The following EML4 variants were observed in gnomAD, a reference collection of about 807,000 sequenced individuals.
EML4 encodes the protein echinoderm microtubule-associated protein-like 4.
A neutral mutation model predicts 129.0 loss-of-function variants in EML4; 72 were observed. That is an observed-to-expected ratio of 0.56 (90% CI 0.46 to 0.68). The LOEUF is 0.68. Ranked by LOEUF, EML4 falls within the 30% of genes least tolerant of loss-of-function variation. The probability of loss-of-function intolerance (pLI) is 0.00; values close to 1 mark genes in which losing one functional copy is unlikely to be tolerated. For synonymous variants in EML4, 532 were observed against 405.0 expected (o/e 1.31, Z -3.77); for missense variants, 1,363 against 1,190.6 (o/e 1.14, Z -2.13).
In EML4 at chr2:42,325,602, T is replaced by TTATA. The variant is rs10530482; in HGVS notation, c.2242+82_2242+85dup. The TTATA allele has an allele frequency of 4.4e-3, 566 of 129,126 alleles. 13 individuals are homozygous for TTATA. The highest frequency in any genetic ancestry group is 0.011 in the African/African-American group (388 of 33,972). 8.0% of individuals were successfully genotyped at this position (129,126 alleles called of 1,614,324 possible). A position where few individuals can be genotyped will look rare whatever the true frequency, so the allele number is the denominator to read the frequency against. On this transcript the variant is annotated intron_variant, in intron 20 of 22. Coordinates refer to ENST00000318522, the MANE Select transcript of EML4 (RefSeq NM_019063.5). Reference sequence around the variant, plus strand: ...ATATATATATATGCTATGATTATATTTATATATATATATATATATATATAT... The same window carrying TTATA: ...ATATATATATATGCTATGATTATATTTATATATATATATATATATATATATATAT...
intron 1 of EML4, among the ~76,000 whole-genome samples, chr2:42,184,122 A>G (rs979829627): frequency 2.6e-5 from 4 of 152,224 alleles, no homozygotes; most frequent in Non-Finnish European, 5.9e-5. Context: ...CAACAAAGAA[A>G]GAGTTGTTTT....
At chr2:42,257,206 C>T (rs1216437755) in intron 3 of EML4, among the ~76,000 whole-genome samples, 1 of 151,982 alleles carries the variant, frequency 6.6e-6, no homozygotes, top group African/African-American at 2.4e-5. Flanking sequence ...GATTTGCATT[C>T]TTTATGTTCT....
chr2:42,197,435 A>G (rs990183462), intron 1 of EML4, among the ~76,000 whole-genome samples: 11 of 152,338 alleles, frequency 7.2e-5, no homozygotes, highest in South Asian at 4.1e-4. Context: ...GATATAGGCA[A>G]TAAAAATCAC....
chr2:42,237,249 T>G (rs975973768), intron 1 of EML4, among the ~76,000 whole-genome samples: 1 of 152,168 alleles, frequency 6.6e-6, no homozygotes, highest in Admixed American at 6.5e-5. Flanking sequence ...TACTAATTTT[T>G]ATCATTTATT....
chr2:42,304,916 C>G (rs1446479240), intron 17 of EML4, among the ~76,000 whole-genome samples: 2 of 152,024 alleles, frequency 1.3e-5, no homozygotes, highest in Non-Finnish European at 2.9e-5. Context: ...GTCAGGAGTT[C>G]GAAACCAGCC....
intron 6 of EML4, among the ~76,000 whole-genome samples, chr2:42,268,875 C>T (rs1012307333): frequency 1.3e-5 from 2 of 152,038 alleles, no homozygotes; most frequent in African/African-American, 4.8e-5. Flanking sequence ...TCAAACTAGG[C>T]CTGTTTAGAT....
chr2:42,194,348 T>TC (rs964897934), intron 1 of EML4, among the ~76,000 whole-genome samples: 1,510 of 61,676 alleles, frequency 0.024, 20 homozygotes, highest in African/African-American at 0.085. Context: ...TCTCTCTCTC[T>TC]TTTTTTTTTT....
At chr2:42,327,025 C>T (rs1012966185) in intron 21 of EML4, among the ~76,000 whole-genome samples, 3 of 152,182 alleles carry the variant, frequency 2.0e-5, no homozygotes, top group Non-Finnish European at 2.9e-5. Flanking sequence ...TCCTCTACCC[C>T]ACCCCCCAGC....
At chr2:42,322,042 T>G (rs1669553761) in intron 19 of EML4, among the ~76,000 whole-genome samples, 1 of 152,232 alleles carries the variant, frequency 6.6e-6, no homozygotes, top group South Asian at 2.1e-4. Flanking sequence ...AATAAAATAG[T>G]TCTAGTTCAT....
Position 42,330,532 on chromosome 2 carries a change from C to A in EML4, c.*325C>A, listed in dbSNP as rs1408579462. 6.5e-6 allele frequency: 3 copies of A among 462,536 alleles called. No individual in the cohort carries two copies. The highest frequency in any genetic ancestry group is 3.4e-5 in the Admixed American group (1 of 29,540). The allele number at this position is 462,536 out of a possible 1,614,324, so 28.7% of individuals were successfully genotyped here. A position where few individuals can be genotyped will look rare whatever the true frequency, so the allele number is the denominator to read the frequency against. ...CAGTTGCATTGATTTTGAAAACAAA[C>A]CCCCTTGTTATCTGAACATGTTTTC... On this transcript the variant is annotated 3_prime_UTR_variant, in exon 23 of 23. Coordinates refer to ENST00000318522, the MANE Select transcript of EML4 (RefSeq NM_019063.5).
At chr2:42,183,728 A>G (rs996598593) in intron 1 of EML4, among the ~76,000 whole-genome samples, 1 of 152,036 alleles carries the variant, frequency 6.6e-6, no homozygotes, top group Non-Finnish European at 1.5e-5. Context: ...ATGGTTGGAC[A>G]TATATTTTTA....
At chr2:42,291,508 A>AT (rs1179374827) in intron 11 of EML4, among the ~76,000 whole-genome samples, 2 of 146,810 alleles carry the variant, frequency 1.4e-5, no homozygotes, top group African/African-American at 2.5e-5. Context: ...GGTTCAAGTG[A>AT]TTCTTCCGCC....
At chr2:42,217,360 C>T (rs1045097888) in intron 1 of EML4, among the ~76,000 whole-genome samples, 1 of 151,972 alleles carries the variant, frequency 6.6e-6, no homozygotes, top group Non-Finnish European at 1.5e-5. Context: ...TCTTGATTGT[C>T]AAGATTCGTT....
intron 3 of EML4, among the ~76,000 whole-genome samples, chr2:42,257,024 G>A (rs1676196727): frequency 6.6e-6 from 1 of 152,098 alleles, no homozygotes; most frequent in African/African-American, 2.4e-5. Flanking sequence ...TATGTTAGTG[G>A]GAGGTCAAAT....
At chr2:42,314,233 C>A (rs909574283) in intron 17 of EML4, among the ~76,000 whole-genome samples, 2 of 151,972 alleles carry the variant, frequency 1.3e-5, no homozygotes, top group Non-Finnish European at 2.9e-5. Flanking sequence ...GTGGCGCCCA[C>A]CTGTAATCCC....
chr2:42,256,371 A>C, intron 2 of EML4, 130 bp from the exon 3 acceptor site: 1 of 817,122 alleles, frequency 1.2e-6, no homozygotes, highest in East Asian at 2.7e-5. Context: ...TCTGCTCAAG[A>C]GTTATAAACA....
At chr2:42,236,006 C>A (rs748768366) in intron 1 of EML4, among the ~76,000 whole-genome samples, 1 of 152,074 alleles carries the variant, frequency 6.6e-6, no homozygotes, top group Non-Finnish European at 1.5e-5. Context: ...TAAAAAGTTA[C>A]AATACATGTT....
At chr2:42,304,453 A>C in intron 16 of EML4, 31 bp from the exon 17 acceptor site, 1 of 1,583,890 alleles carries the variant, frequency 6.3e-7, no homozygotes, top group Admixed American at 1.7e-5. Flanking sequence ...TTTCTCATGT[A>C]CTCCCCAACA....
At chr2:42,191,834 CG>C (rs1354767256) in intron 1 of EML4, among the ~76,000 whole-genome samples, 2 of 151,808 alleles carry the variant, frequency 1.3e-5, no homozygotes, top group African/African-American at 2.4e-5. Context: ...CTGAGGCGGG[CG>C]GATCACCTGA....
Sources: allele counts gnomAD v4.1 joint callset (sites outside exome capture counted in the v4.1 genomes callset), GRCh38; gene constraint gnomAD v4.1.1; transcripts MANE v1.5; gene names NCBI Gene and HGNC (gene_info 2026-07-23, HGNC 2026-07-21).